Variants in ZC3H6 observed in about 807,000 individuals in gnomAD.
ZC3H6 encodes the protein zinc finger CCCH-type containing 6.
In ZC3H6, 40 loss-of-function variants were observed where a neutral mutation model predicts 107.7. The observed-to-expected ratio is 0.37, with a 90% CI of 0.29 to 0.48. ZC3H6 has a LOEUF of 0.48. ZC3H6 is among the 20% of genes least tolerant of loss of function. ZC3H6 has a pLI of 0.98. For missense variants in ZC3H6, 1,267 were observed against 1,410.4 expected, an observed-to-expected ratio of 0.90 and a Z score of 1.63; for synonymous variants, 493 against 487.9, an observed-to-expected ratio of 1.01 and a Z score of -0.14.
At chr2:112,281,949 G>C (rs1391700717) in intron 1 of ZC3H6, among the ~76,000 whole-genome samples, 1 of 152,132 alleles carries the variant, frequency 6.6e-6, no homozygotes, top group East Asian at 1.9e-4. Flanking sequence ...GTGCTGCAGG[G>C]TTTGCAAACT....
Position 112,323,046 on chromosome 2 carries a change from C to T in ZC3H6, c.1340+144C>T, listed in dbSNP as rs549484509. 77 of 907,846 alleles carry T rather than the reference C, an allele frequency of 8.5e-5. No homozygotes were observed. In the African/African-American group the frequency reaches 1.2e-3, roughly 15 times the overall value. The allele number at this position is 907,846 out of a possible 1,614,324, so 56.2% of individuals were successfully genotyped here. A position where few individuals can be genotyped will look rare whatever the true frequency, so the allele number is the denominator to read the frequency against. ...TGGCATGCACGCAGATTGTTGCTTC[C>T]ACCTTTGTTTTCGGTTCCCACCTGC... On this transcript the variant is annotated intron_variant, in intron 9 of 11. Transcript: ENST00000409871.
chr2:112,280,863 G>C (rs1686513723), intron 1 of ZC3H6, among the ~76,000 whole-genome samples: 1 of 152,134 alleles, frequency 6.6e-6, no homozygotes, highest in South Asian at 2.1e-4. Flanking sequence ...GAAGGATGTG[G>C]GGATCCCATC....
chr2:112,323,024 C>A, intron 9 of ZC3H6, 122 bp downstream of exon 9: 1 of 1,048,926 alleles, frequency 9.5e-7, no homozygotes, highest in Non-Finnish European at 1.4e-6. Flanking sequence ...ACATATCTGG[C>A]ATGCACGCAG....
intron 1 of ZC3H6, among the ~76,000 whole-genome samples, chr2:112,298,995 C>T (rs370171820): frequency 2.0e-5 from 3 of 152,002 alleles, no homozygotes; most frequent in South Asian, 2.1e-4. Context: ...ATAATTTGGC[C>T]GGGTGTGGTG....
At chr2:112,327,362 T>C (rs1360898156) in intron 11 of ZC3H6, among the ~76,000 whole-genome samples, 1 of 152,216 alleles carries the variant, frequency 6.6e-6, no homozygotes, top group African/African-American at 2.4e-5. Flanking sequence ...CATTTTTAAA[T>C]TGGATTATTG....
At chr2:112,302,747 G>T (rs1676404067) in intron 2 of ZC3H6, among the ~76,000 whole-genome samples, 1 of 151,878 alleles carries the variant, frequency 6.6e-6, no homozygotes, top group South Asian at 2.1e-4. Flanking sequence ...TCAATTTTGT[G>T]GGCCAGATTT....
chr2:112,280,368 T>C (rs1174333011), intron 1 of ZC3H6, among the ~76,000 whole-genome samples: 1 of 152,236 alleles, frequency 6.6e-6, no homozygotes, highest in Non-Finnish European at 1.5e-5. Context: ...TTTGATGTTG[T>C]AAAGCACTCT....
chr2:112,315,400 G>T (rs1676679304), intron 5 of ZC3H6, among the ~76,000 whole-genome samples: 1 of 151,914 alleles, frequency 6.6e-6, no homozygotes, highest in African/African-American at 2.4e-5. Flanking sequence ...CCGCCTGTTT[G>T]TTTGCCCTTT....
At chr2:112,325,345 T>C in intron 11 of ZC3H6, 148 bp downstream of exon 11, 1 of 710,800 alleles carries the variant, frequency 1.4e-6, no homozygotes, top group Non-Finnish European at 2.4e-6. Flanking sequence ...AATGCAAAAA[T>C]TAGGTGGTCG....
At chr2:112,297,364 T>A (rs906726103) in intron 1 of ZC3H6, among the ~76,000 whole-genome samples, 7 of 152,218 alleles carry the variant, frequency 4.6e-5, no homozygotes, top group Non-Finnish European at 1.0e-4. Flanking sequence ...TAATTCTAAA[T>A]TACCTTTAAA....
rs1677106356 is a variant in ZC3H6, at chr2:112,334,664, TTA to T, written c.*2178_*2179del. 1 of 152,610 alleles carries T rather than the reference TTA, an allele frequency of 6.6e-6. No individual in the cohort carries two copies. The highest frequency in any genetic ancestry group is 1.5e-5 in the Non-Finnish European group (1 of 67,998). 9.5% of individuals were successfully genotyped at this position (152,610 alleles called of 1,614,324 possible). A position where few individuals can be genotyped will look rare whatever the true frequency, so the allele number is the denominator to read the frequency against. On this transcript the variant is annotated 3_prime_UTR_variant, in exon 12 of 12. Coordinates refer to ENST00000409871, the MANE Select transcript of ZC3H6 (RefSeq NM_198581.3). The stretch of plus-strand genomic sequence containing the variant: ...GACAATATATTTTATATGAAAATGT[TTA>T]TGTTTAAAATAACTTATTTATTATG...
At chr2:112,326,684 C>T (rs1676911432) in intron 11 of ZC3H6, among the ~76,000 whole-genome samples, 1 of 152,184 alleles carries the variant, frequency 6.6e-6, no homozygotes, top group Non-Finnish European at 1.5e-5. Flanking sequence ...ACGATCTCGG[C>T]TCACTGCAAC....
chr2:112,336,772 A>C lies in ZC3H6; in HGVS notation c.*4284A>C, dbSNP rs1465675932. 1 of 152,198 alleles carries C rather than the reference A, an allele frequency of 6.6e-6. No individual in the cohort carries two copies. The highest frequency in any genetic ancestry group is 1.5e-5 in the Non-Finnish European group (1 of 68,046). 9.4% of individuals were successfully genotyped at this position (152,198 alleles called of 1,614,324 possible). A position where few individuals can be genotyped will look rare whatever the true frequency, so the allele number is the denominator to read the frequency against. ...CCTGGAAAGGATACAGACCCAAGAA[A>C]AGTTAACATCTACATAGTACTTAGA... On this transcript the variant is annotated 3_prime_UTR_variant, in exon 12 of 12. Transcript: ENST00000409871.
chr2:112,322,406 C>A (rs1676821083), intron 8 of ZC3H6, among the ~76,000 whole-genome samples: 1 of 151,830 alleles, frequency 6.6e-6, no homozygotes, highest in Non-Finnish European at 1.5e-5. Flanking sequence ...CTACCATGCC[C>A]AGCTAATTTT....
At chr2:112,318,323 A>G (rs1361346202) in intron 7 of ZC3H6, among the ~76,000 whole-genome samples, 1 of 152,226 alleles carries the variant, frequency 6.6e-6, no homozygotes, top group South Asian at 2.1e-4. Flanking sequence ...AAAAGCTTGC[A>G]TTTGCAAAAC....
intron 3 of ZC3H6, among the ~76,000 whole-genome samples, chr2:112,309,324 A>T (rs1049941668): frequency 1.3e-5 from 2 of 152,232 alleles, no homozygotes; most frequent in African/African-American, 4.8e-5. Flanking sequence ...GTTTGTTGTA[A>T]TAAACAGTTT....
At chr2:112,319,564 T>G (rs540333297) in intron 7 of ZC3H6, among the ~76,000 whole-genome samples, 1 of 152,082 alleles carries the variant, frequency 6.6e-6, no homozygotes, top group South Asian at 2.1e-4. Flanking sequence ...GAGAATCGCT[T>G]GAACCTGGGA....
chr2:112,277,300 A>T (rs996341157), intron 1 of ZC3H6, among the ~76,000 whole-genome samples: 4 of 152,196 alleles, frequency 2.6e-5, no homozygotes, highest in African/African-American at 9.6e-5. Context: ...TTTTGTATTA[A>T]AAAGGAAATT....
intron 11 of ZC3H6, among the ~76,000 whole-genome samples, chr2:112,327,326 A>G (rs1283642065): frequency 6.6e-6 from 1 of 152,176 alleles, no homozygotes; most frequent in East Asian, 1.9e-4. Flanking sequence ...TCTTCTTTTG[A>G]GAAATGTCTA....
Sources: gnomAD v4.1 joint callset for allele counts (sites outside exome capture counted in the v4.1 genomes callset) on GRCh38, gnomAD v4.1.1 for gene constraint, MANE v1.5 for transcripts, NCBI Gene and HGNC (gene_info 2026-07-23, HGNC 2026-07-21) for gene names.